ACSM5: variants seen among roughly 807,000 people sequenced by gnomAD.
ACSM5 encodes acyl-coenzyme A synthetase ACSM5, mitochondrial.
ACSM5 carries 56 observed loss-of-function variants against 71.6 expected under a neutral mutation model. The observed-to-expected ratio is 0.78, with a 90% confidence interval of 0.63 to 0.98. The LOEUF is 0.98. Among genes scored for constraint, ACSM5 ranks in the 50% least tolerant of loss-of-function variants. The pLI, the probability that ACSM5 is intolerant of heterozygous loss-of-function variation, is 0.00. For synonymous variants in ACSM5, 285 were observed against 281.5 expected, an observed-to-expected ratio of 1.01 and a Z score of -0.12; for missense variants, 723 against 726.0, an observed-to-expected ratio of 1.00 and a Z score of 0.05.
intron 5 of ACSM5, among the ~76,000 whole-genome samples, chr16:20,421,694 C>CAT (rs1453893186): frequency 4.4e-5 from 6 of 135,094 alleles, no homozygotes; most frequent in South Asian, 4.9e-4. Context: ...CACATATAAA[C>CAT]ATATATATAC....
chr16:20,430,923 G>A (rs535113133), intron 8 of ACSM5, 70 bp from the exon 9 acceptor site: 274 of 1,137,168 alleles, frequency 2.4e-4, no homozygotes, highest in Non-Finnish European at 3.1e-4. Flanking sequence ...GGCAGGGTGA[G>A]AGAAAGGCAT....
chr16:20,432,236 C>T (rs1967113753), intron 10 of ACSM5, among the ~76,000 whole-genome samples: 2 of 152,090 alleles, frequency 1.3e-5, no homozygotes, highest in African/African-American at 2.4e-5. Context: ...TGCTTGAGCC[C>T]CACCTCAGCT....
chr16:20,410,306 G>A (rs924002796), intron 1 of ACSM5, among the ~76,000 whole-genome samples: 59 of 152,114 alleles, frequency 3.9e-4, no homozygotes, highest in African/African-American at 1.4e-3. Flanking sequence ...CGCAGCTCCC[G>A]GGCCAGTGCC....
intron 2 of ACSM5, among the ~76,000 whole-genome samples, chr16:20,417,685 A>G (rs545976181): frequency 6.8e-4 from 103 of 152,342 alleles, no homozygotes; most frequent in African/African-American, 2.4e-3. Flanking sequence ...GCACTTTAAA[A>G]TGGTGATTTT....
At chr16:20,426,926 AT>A (rs1434891316) in intron 6 of ACSM5, among the ~76,000 whole-genome samples, 4 of 152,030 alleles carry the variant, frequency 2.6e-5, no homozygotes, top group Admixed American at 6.6e-5. Flanking sequence ...TGTTGTGTGT[AT>A]TTTGCCACAA....
chr16:20,437,173 C>A lies in ACSM5; in HGVS notation c.1430C>A (p.Ser477Tyr). 6.2e-7 allele frequency: 1 copy of A among 1,614,180 alleles called. No homozygotes were observed. Among genetic ancestry groups the A allele is most frequent in the African/African-American group, 1.3e-5 (1 of 75,050 alleles). ...GGAAGAAACGACGATGTGATCAATTCTTCAAGGTCAAGCTGTCTGCACTTT... is the reference window on the plus strand; with the variant it reads ...GGAAGAAACGACGATGTGATCAATTATTCAAGGTCAAGCTGTCTGCACTTT... The part of the protein sequence containing the change: ...FMGRNDDVIN[S>Y]SSYRIGPVEV... Residue 477 changes from serine to tyrosine, a missense_variant, in exon 11 of 14, where the codon TCT (serine) becomes TAT (tyrosine). Coordinates refer to ENST00000331849, the MANE Select transcript of ACSM5 (RefSeq NM_017888.3).
chr16:20,420,330 A>G (rs1192845720), intron 4 of ACSM5, among the ~76,000 whole-genome samples: 1 of 152,160 alleles, frequency 6.6e-6, no homozygotes, highest in Non-Finnish European at 1.5e-5. Context: ...GCCAGGCGCC[A>G]TGGCTCACGC....
chr16:20,429,261 C>G (rs191202906), intron 7 of ACSM5, among the ~76,000 whole-genome samples: 1 of 152,162 alleles, frequency 6.6e-6, no homozygotes. Flanking sequence ...AATCTGCCCA[C>G]CTAGGCCTCC....
At chr16:20,421,190 C>A in intron 4 of ACSM5, 68 bp from the exon 5 acceptor site, 2 of 1,472,358 alleles carry the variant, frequency 1.4e-6, no homozygotes, top group South Asian at 1.4e-5. Flanking sequence ...ATTGTTGTTA[C>A]ACATATTATT....
In ACSM5 at chr16:20,439,441, T is replaced by C. The variant is rs543618701; in HGVS notation, c.1537-359T>C. On this transcript the variant is annotated intron_variant, in intron 12 of 13. Coordinates refer to ENST00000331849, the MANE Select transcript of ACSM5 (RefSeq NM_017888.3). ...ACTCATGCCTACCTACCTTTCTCAT[T>C]AGGAAAATCTGGAAGAAAATGGCCC... Among the ~76,000 whole-genome samples the C allele has an allele frequency of 6.6e-5, 10 of 151,780 alleles. No individual in the cohort carries two copies. In the South Asian group the frequency reaches 2.1e-3, roughly 32 times the overall value.
At chr16:20,431,396 C>G (rs1967098585) in intron 10 of ACSM5, 75 bp downstream of exon 10, 4 of 1,213,078 alleles carry the variant, frequency 3.3e-6, no homozygotes, top group Non-Finnish European at 4.9e-6. Context: ...TTGTAAATAT[C>G]TATTTGTTTA....
intron 1 of ACSM5, among the ~76,000 whole-genome samples, chr16:20,410,357 G>A (rs1373556551): frequency 6.6e-6 from 1 of 152,118 alleles, no homozygotes; most frequent in Non-Finnish European, 1.5e-5. Flanking sequence ...TGAAGATCCC[G>A]TTAACTTGCA....
intron 10 of ACSM5, among the ~76,000 whole-genome samples, chr16:20,435,978 TTTTC>T (rs1472670450): frequency 1.2e-4 from 18 of 150,206 alleles, no homozygotes; most frequent in East Asian, 6.1e-4. Flanking sequence ...TTCCTTCCTT[TTTTC>T]TTTCTTTCTT....
At chr16:20,411,198 G>A (rs978580815) in intron 1 of ACSM5, among the ~76,000 whole-genome samples, 2 of 152,202 alleles carry the variant, frequency 1.3e-5, no homozygotes, top group African/African-American at 4.8e-5. Context: ...GATTCCTTTT[G>A]AAGTATTGAG....
chr16:20,440,359 G>A lies in ACSM5; in HGVS notation c.1672G>A (p.Glu558Lys). 1 of 1,593,318 alleles carries A rather than the reference G, an allele frequency of 6.3e-7. No individual in the cohort carries two copies. The highest frequency in any genetic ancestry group is 8.6e-7 in the Non-Finnish European group (1 of 1,160,998). ...KYPRKVAFVS[E>K]LPKTVSGKIQ... ...TGGTCACTAGGTGGCCTTTGTTTCA[G>A]AACTGCCAAAGACGGTTTCTGGAAA... Residue 558 changes from glutamate (E) to lysine (K), a missense_variant, in exon 14 of 14, where the codon GAA (glutamate) becomes AAA (lysine). Physicochemically the swap from Glu to Lys is moderately conservative, Grantham distance 56 (BLOSUM62 1). Coordinates refer to ENST00000331849, the MANE Select transcript of ACSM5 (RefSeq NM_017888.3).
chr16:20,411,456 C>T lies in ACSM5; in HGVS notation c.-15-14C>T, dbSNP rs1350651184. On this transcript the variant is annotated splice_polypyrimidine_tract_variant and intron_variant, in intron 1 of 13. Coordinates refer to ENST00000331849, the MANE Select transcript of ACSM5 (RefSeq NM_017888.3). ...AATTTATGACAATGCCCTCTTTCCT[C>T]TCTTTGGTGACAGACAGGAGGCGAC... 2 of 1,608,970 alleles carry T rather than the reference C, an allele frequency of 1.2e-6. No individual in the cohort carries two copies. Among genetic ancestry groups the T allele is most frequent in the Non-Finnish European group, 1.7e-6 (2 of 1,176,792 alleles).
At chr16:20,411,324 C>T (rs906309798) in intron 1 of ACSM5, 146 bp from the exon 2 acceptor site, 8 of 675,548 alleles carry the variant, frequency 1.2e-5, no homozygotes, top group Admixed American at 2.5e-5. Context: ...CACAGCAGAA[C>T]TGAGACTGAA....
intron 9 of ACSM5, 71 bp downstream of exon 9, chr16:20,431,144 C>T (rs564107665): frequency 1.9e-4 from 299 of 1,596,952 alleles, no homozygotes; most frequent in Admixed American, 3.7e-4. Flanking sequence ...CTGGTTGGCA[C>T]GGGCTGCTGG....
chr16:20,421,416 T>A lies in ACSM5; in HGVS notation c.767+15T>A. 6.4e-7 allele frequency: 1 copy of A among 1,559,622 alleles called. No homozygotes were observed. The highest frequency in any genetic ancestry group is 8.7e-7 in the Non-Finnish European group (1 of 1,146,122). ...GCCAGCGGAAGGTACCAGAGCAGCT[T>A]GTCTAGAGGATCCAAGAACAGAAAG... On this transcript the variant is annotated intron_variant, in intron 5 of 13. Transcript: ENST00000331849.
Sources: gnomAD v4.1 joint callset for allele counts (sites outside exome capture counted in the v4.1 genomes callset) on GRCh38, gnomAD v4.1.1 for gene constraint, MANE v1.5 for transcripts, NCBI Gene and HGNC (gene_info 2026-07-23, HGNC 2026-07-21) for gene names.